UBR2: variants seen among roughly 807,000 people sequenced by gnomAD.
The protein encoded by UBR2 is ubiquitin protein ligase E3 component n-recognin 2.
Under a neutral mutation model 247.9 loss-of-function variants are expected in UBR2, and 92 were observed. That is an observed-to-expected ratio of 0.37 (90% confidence interval 0.31 to 0.44). The LOEUF (loss-of-function observed/expected upper bound fraction) is 0.44, where lower values mean the gene tolerates loss of function less well. Ranked by LOEUF, UBR2 falls within the 20% of genes least tolerant of loss-of-function variation. UBR2 has a pLI of 1.00. For synonymous variants in UBR2, 672 were observed against 693.5 expected (o/e 0.97, Z 0.49); for missense variants, 1,613 against 2,112.6 (o/e 0.76, Z 4.64).
At chr6:42,601,814 C>A (rs116264577) in intron 4 of UBR2, among the ~76,000 whole-genome samples, 1 of 151,408 alleles carries the variant, frequency 6.6e-6, no homozygotes, top group Non-Finnish European at 1.5e-5. Context: ...TTACCTTCTT[C>A]AAGCTCTAGA....
At chr6:42,656,232 T>G (rs1205300920) in intron 26 of UBR2, among the ~76,000 whole-genome samples, 1 of 152,236 alleles carries the variant, frequency 6.6e-6, no homozygotes, top group Non-Finnish European at 1.5e-5. Flanking sequence ...AAGCTTCTCA[T>G]TTACTAATTT....
chr6:42,672,675 A>C (rs897654044), intron 36 of UBR2, among the ~76,000 whole-genome samples: 1 of 152,068 alleles, frequency 6.6e-6, no homozygotes, highest in Non-Finnish European at 1.5e-5. Flanking sequence ...TCCTCTGCCT[A>C]GAGTACCCTA....
intron 8 of UBR2, among the ~76,000 whole-genome samples, chr6:42,613,447 C>A (rs1038403198): frequency 1.3e-5 from 2 of 152,158 alleles, no homozygotes; most frequent in African/African-American, 4.8e-5. Flanking sequence ...TCCAGGCTGA[C>A]ACGGTGGCCC....
intron 11 of UBR2, among the ~76,000 whole-genome samples, chr6:42,626,184 A>T (rs1367755726): frequency 6.6e-6 from 1 of 151,486 alleles, no homozygotes; most frequent in African/African-American, 2.4e-5. Flanking sequence ...AGATTTTGCC[A>T]TTCTTGCGTA....
chr6:42,633,583 G>T (rs1277100489), intron 13 of UBR2, among the ~76,000 whole-genome samples: 1 of 152,034 alleles, frequency 6.6e-6, no homozygotes, highest in Non-Finnish European at 1.5e-5. Context: ...TAGAGATAGG[G>T]TTTCACCAAG....
chr6:42,580,841 T>A (rs1163180388), intron 2 of UBR2, among the ~76,000 whole-genome samples: 1 of 152,032 alleles, frequency 6.6e-6, no homozygotes, highest in Non-Finnish European at 1.5e-5. Flanking sequence ...GCGCCCGGCC[T>A]TAATTGTACA....
intron 5 of UBR2, 67 bp from the exon 6 acceptor site, chr6:42,605,654 T>C: frequency 6.8e-7 from 1 of 1,480,390 alleles, no homozygotes; most frequent in South Asian, 1.3e-5. Flanking sequence ...AGTAGTCTCT[T>C]AATAAGTCAG....
At chr6:42,640,638 G>A (rs1369862382) in intron 16 of UBR2, among the ~76,000 whole-genome samples, 2 of 152,138 alleles carry the variant, frequency 1.3e-5, no homozygotes, top group Non-Finnish European at 2.9e-5. Flanking sequence ...TTCCATGGGG[G>A]ACGTCAGTCT....
At chr6:42,565,191 C>T (rs143953544) in intron 1 of UBR2, among the ~76,000 whole-genome samples, 73 of 152,320 alleles carry the variant, frequency 4.8e-4, no homozygotes, top group African/African-American at 1.7e-3. Flanking sequence ...TTCAAACGCA[C>T]TATTGCATTA....
intron 30 of UBR2, among the ~76,000 whole-genome samples, chr6:42,661,531 A>C: frequency 6.6e-6 from 1 of 152,200 alleles, no homozygotes; most frequent in East Asian, 1.9e-4. Context: ...AATTTATATA[A>C]AGAATTCAAA....
In UBR2 at chr6:42,693,364, C is replaced by T. The variant is rs753043562; in HGVS notation, c.*2191C>T. 19 of 152,146 alleles carry T rather than the reference C, an allele frequency of 1.2e-4. No individual in the cohort carries two copies. The highest frequency in any genetic ancestry group is 9.6e-4 in the East Asian group (5 of 5,202). The allele number at this position is 152,146 out of a possible 1,614,324, so 9.4% of individuals were successfully genotyped here. ...ATTGTAGAAATGTTTATATAACATA[C>T]GCTTTCCATATCAGGGAAAATCATA... On this transcript the variant is annotated 3_prime_UTR_variant, in exon 47 of 47. Coordinates refer to ENST00000372901, the MANE Select transcript of UBR2 (RefSeq NM_001363705.2).
chr6:42,564,542 G>C (rs1444349830), intron 1 of UBR2, 145 bp downstream of exon 1: 2 of 877,052 alleles, frequency 2.3e-6, no homozygotes, highest in Non-Finnish European at 1.7e-6. Context: ...GTAATAGCCC[G>C]GGGAGGCCAC....
rs754536796 is a variant in UBR2 at position 42,617,487 on chromosome 6, A to G, written c.1261A>G (p.Ile421Val). The G allele has an allele frequency of 1.3e-6, 2 of 1,552,070 alleles. No individual in the cohort carries two copies. Among genetic ancestry groups the G allele is most frequent in the Non-Finnish European group, 1.7e-6 (2 of 1,147,244 alleles). Residue 421 changes from isoleucine to valine, a missense_variant, in exon 11 of 47, where the codon ATA becomes GTA. Ile to Val is a conservative substitution (Grantham distance 29). Coordinates refer to ENST00000372901, the MANE Select transcript of UBR2 (RefSeq NM_001363705.2). The stretch of plus-strand genomic sequence containing the variant: ...TTCAGTCGCAGACCTCTCGGTTCAG[A>G]TATTCACGGTTCCTTCACTTGTAAG... ...EFSVADLSVQ[I>V]FTVPSLARML... is the part of the protein sequence containing the mutation.
At chr6:42,580,296 T>C (rs1791796913) in intron 2 of UBR2, among the ~76,000 whole-genome samples, 1 of 152,186 alleles carries the variant, frequency 6.6e-6, no homozygotes, top group South Asian at 2.1e-4. Flanking sequence ...TTTTGGAGAT[T>C]TGTGATTATT....
intron 3 of UBR2, among the ~76,000 whole-genome samples, chr6:42,593,980 T>A (rs1792822490): frequency 1.3e-5 from 2 of 152,236 alleles, no homozygotes; most frequent in Non-Finnish European, 2.9e-5. Context: ...AAGTAGCTTA[T>A]TTTATTTTGA....
At chr6:42,650,710 C>G (rs1562359106) in intron 23 of UBR2, among the ~76,000 whole-genome samples, 1 of 152,088 alleles carries the variant, frequency 6.6e-6, no homozygotes, top group Non-Finnish European at 1.5e-5. Flanking sequence ...GTAGAAATTA[C>G]TTAAAATACC....
Position 42,691,320 on chromosome 6 carries a change from G to T in UBR2, c.*147G>T. ...ATAGTTTCTGGTTCTGAGGACTGAT[G>T]AAAATCATCTTCCATCAGCAGATTT... On this transcript the variant is annotated 3_prime_UTR_variant, in exon 47 of 47. Transcript: ENST00000372901. 9.3e-7 allele frequency: 1 copy of T among 1,074,188 alleles called. No individual in the cohort carries two copies. The highest frequency in any genetic ancestry group is 1.3e-6 in the Non-Finnish European group (1 of 748,464). 66.5% of individuals were successfully genotyped at this position (1,074,188 alleles called of 1,614,324 possible). A position where few individuals can be genotyped will look rare whatever the true frequency, so the allele number is the denominator to read the frequency against.
chr6:42,676,845 T>C lies in UBR2; in HGVS notation c.4450T>C (p.Tyr1484His). The C allele has an allele frequency of 6.2e-7, 1 of 1,614,012 alleles. No individual in the cohort carries two copies. Among genetic ancestry groups the C allele is most frequent in the African/African-American group, 1.3e-5 (1 of 75,064 alleles). The part of the protein sequence containing the change: ...CEEESAVLAL[Y>H]KTLHQYTGSA... ...AGAAGAATCAGCAGTTCTTGCTTTG[T>C]ATAAAACACTTCACCAGTATACGGG... The change falls in exon 40 of 47, where the codon TAT (tyrosine) becomes CAT (histidine). Residue 1484 changes from tyrosine (Y) to histidine (H), a missense_variant. This residue lies in a region of UBR2 where 1,524 missense variants were observed against 1,967.3 expected (regional missense o/e 0.77). Coordinates refer to ENST00000372901, the MANE Select transcript of UBR2 (RefSeq NM_001363705.2).
intron 11 of UBR2, among the ~76,000 whole-genome samples, chr6:42,630,406 G>A (rs1328943164): frequency 1.3e-5 from 2 of 151,468 alleles, no homozygotes; most frequent in Non-Finnish European, 2.9e-5. Flanking sequence ...AGCTAGTCTC[G>A]AACTCCTGAC....
Sources: allele counts gnomAD v4.1 joint callset (sites outside exome capture counted in the v4.1 genomes callset), GRCh38; gene constraint gnomAD v4.1.1; regional missense constraint gnomAD v4.1.1; transcripts MANE v1.5; gene names NCBI Gene and HGNC (gene_info 2026-07-23, HGNC 2026-07-21).